Variants in PLA2R1 observed in about 807,000 individuals in gnomAD.
PLA2R1 encodes phospholipase A2 receptor 1.
PLA2R1 carries 158 observed loss-of-function variants against 195.9 expected under a neutral mutation model. That is an observed-to-expected ratio of 0.81 (90% confidence interval 0.71 to 0.92). The LOEUF is 0.92. PLA2R1 is among the 40% of genes least tolerant of loss of function. The pLI, the probability that PLA2R1 is intolerant of heterozygous loss-of-function variation, is 0.00. For synonymous variants in PLA2R1, 586 were observed against 598.2 expected, an observed-to-expected ratio of 0.98 and a Z score of 0.30; for missense variants, 1,626 against 1,764.6, an observed-to-expected ratio of 0.92 and a Z score of 1.41.
chr2:159,967,478 A>T (rs973221795), intron 20 of PLA2R1, 61 bp downstream of exon 20: 3 of 1,454,472 alleles, frequency 2.1e-6, no homozygotes, highest in East Asian at 2.4e-5. Flanking sequence ...CTTTTTGAAC[A>T]CTTTCCAAAA....
intron 7 of PLA2R1, 33 bp downstream of exon 7, chr2:160,022,632 A>C: frequency 1.5e-6 from 2 of 1,311,130 alleles, no homozygotes; most frequent in Non-Finnish European, 2.1e-6. Context: ...ATTATATTTT[A>C]TGCCTTTTAA....
At chr2:159,954,350 T>C (rs570335938) in intron 23 of PLA2R1, among the ~76,000 whole-genome samples, 1 of 151,972 alleles carries the variant, frequency 6.6e-6, no homozygotes, top group East Asian at 1.9e-4. Flanking sequence ...GTTACAGATC[T>C]AGTATCATTT....
rs539859475 is a variant in PLA2R1 at position 159,938,930 on chromosome 2, A to G, written c.*2848T>C. The G allele has an allele frequency of 6.6e-6, 1 of 152,344 alleles. No homozygotes were observed. The highest frequency in any genetic ancestry group is 1.5e-5 in the Non-Finnish European group (1 of 68,026). 9.4% of individuals were successfully genotyped at this position (152,344 alleles called of 1,614,324 possible). A position where few individuals can be genotyped will look rare whatever the true frequency, so the allele number is the denominator to read the frequency against. On this transcript the variant is annotated 3_prime_UTR_variant, in exon 30 of 30. Coordinates refer to ENST00000283243, the MANE Select transcript of PLA2R1 (RefSeq NM_007366.5). ...CTGTAAGAGCCCAATATATTGTTAA[A>G]TGGAAAAACCCAGGCATTTCCATTA...
At chr2:160,048,395 C>T (rs921976424) in intron 1 of PLA2R1, among the ~76,000 whole-genome samples, 19 of 152,122 alleles carry the variant, frequency 1.2e-4, no homozygotes, top group Non-Finnish European at 1.9e-4. Flanking sequence ...CAACATGCTG[C>T]CTCCAAATAT....
intron 11 of PLA2R1, among the ~76,000 whole-genome samples, chr2:159,996,788 C>A (rs1327806484): frequency 6.6e-6 from 1 of 152,044 alleles, no homozygotes; most frequent in African/African-American, 2.4e-5. Context: ...CTCAGAGATT[C>A]TTTTCTCATC....
rs182932269 is a variant in PLA2R1 at position 159,993,591 on chromosome 2, C to G, written c.1835-6233G>C. Among the ~76,000 whole-genome samples the G allele has an allele frequency of 8.4e-4, 127 of 151,612 alleles. 1 individual carries two copies. Among genetic ancestry groups the G allele is most frequent in the Non-Finnish European group, 4.4e-5 (3 of 67,838 alleles). ...AATATCATTTCCCATCAGAAGAAAC[C>G]AGGGTTCCTTGATGCAATGGATGCT... is the stretch of plus-strand genomic sequence containing the variant. On this transcript the variant is annotated intron_variant, in intron 11 of 29. Transcript: ENST00000283243.
intron 20 of PLA2R1, among the ~76,000 whole-genome samples, chr2:159,964,289 A>C (rs963882177): frequency 2.6e-5 from 4 of 152,180 alleles, no homozygotes; most frequent in African/African-American, 9.6e-5. Flanking sequence ...GGATAGTGAG[A>C]ATGTTTTGGA....
chr2:159,947,421 TC>T lies in PLA2R1; in HGVS notation c.3847del (p.Glu1283LysfsTer6). 3 of 1,596,192 alleles carry T rather than the reference TC, an allele frequency of 1.9e-6. No individual in the cohort carries two copies. Among genetic ancestry groups the T allele is most frequent in the Non-Finnish European group, 2.6e-6 (3 of 1,174,342 alleles). ...TTTACCATCACAAAAACAATTACCT[TC>T]CTTTTTGCAAAATTCATGAGCAGCC... Reference protein sequence around the residue: ...FEAAHEFCKKEGSNLLTIKDE... With the variant: ...FEAAHEFCKKXGSNLLTIKDE... On this transcript the variant is annotated frameshift_variant, in exon 26 of 30. Coordinates refer to ENST00000283243, the MANE Select transcript of PLA2R1 (RefSeq NM_007366.5). LOFTEE classifies it high-confidence loss of function.
chr2:160,031,218 T>C (rs532305358), intron 4 of PLA2R1, among the ~76,000 whole-genome samples: 55 of 152,330 alleles, frequency 3.6e-4, no homozygotes, highest in Non-Finnish European at 5.6e-4. Flanking sequence ...TGCAAACTTA[T>C]AGAGAAATAA....
intron 1 of PLA2R1, among the ~76,000 whole-genome samples, chr2:160,062,075 G>A (rs907845208): frequency 1.3e-5 from 2 of 151,804 alleles, no homozygotes; most frequent in Admixed American, 6.6e-5. Flanking sequence ...GAGCCAGGAG[G>A]GTGCCGGGCC....
rs73967982 is a variant in PLA2R1 at position 160,013,431 on chromosome 2, G to A, written c.1552-56C>T. ...ACAATCTCATTTAGTTAAATACCAA[G>A]AGATATTTTTGCATACTCTTTTACC... On this transcript the variant is annotated intron_variant, in intron 9 of 29. Transcript: ENST00000283243. 7,677 of 1,048,700 alleles carry A rather than the reference G, an allele frequency of 7.3e-3. 233 individuals carry two copies. The African/African-American group carries it at 0.082, about 11-fold the overall frequency. 65.0% of individuals were successfully genotyped at this position (1,048,700 alleles called of 1,614,324 possible). A position where few individuals can be genotyped will look rare whatever the true frequency, so the allele number is the denominator to read the frequency against.
intron 24 of PLA2R1, among the ~76,000 whole-genome samples, chr2:159,950,519 C>T (rs1195413464): frequency 6.6e-6 from 1 of 152,186 alleles, no homozygotes; most frequent in Non-Finnish European, 1.5e-5. Context: ...AATGTCTATT[C>T]ACAGGAGAAT....
intron 14 of PLA2R1, among the ~76,000 whole-genome samples, chr2:159,979,059 A>G (rs1560170721): frequency 1.3e-5 from 2 of 152,194 alleles, no homozygotes; most frequent in Non-Finnish European, 2.9e-5. Flanking sequence ...CAGCGCTTGG[A>G]ACAGTATAAG....
chr2:159,924,227 T>A, the PLA2R1 span, among the ~76,000 whole-genome samples: 1 of 152,230 alleles, frequency 6.6e-6, no homozygotes, highest in East Asian at 1.9e-4. Context: ...CTTTTAAGGA[T>A]ACATGTGATT....
rs573853398 is a variant in PLA2R1, at chr2:159,973,586, A to C, written c.2595+2482T>G. ...ATGAACCAGGAAGTGGGCATTCACC[A>C]GACATCAAATCTGCCAATGCCTAGA... On this transcript the variant is annotated intron_variant, in intron 17 of 29. Transcript: ENST00000283243. Among the ~76,000 whole-genome samples the C allele has an allele frequency of 5.3e-5, 8 of 152,210 alleles. No homozygotes were observed. The South Asian group carries it at 1.7e-3, about 32-fold the overall frequency.
At chr2:160,056,784 C>G (rs1304228896) in intron 1 of PLA2R1, among the ~76,000 whole-genome samples, 1 of 152,158 alleles carries the variant, frequency 6.6e-6, no homozygotes, top group Non-Finnish European at 1.5e-5. Context: ...CACTTCTAAA[C>G]TTAAACATGC....
intron 11 of PLA2R1, among the ~76,000 whole-genome samples, chr2:160,003,728 A>G (rs1438987939): frequency 6.6e-6 from 1 of 152,190 alleles, no homozygotes; most frequent in Non-Finnish European, 1.5e-5. Context: ...TAAGATGTAC[A>G]CTTTTAGGCC....
In PLA2R1 at chr2:160,034,122, T is replaced by C. The variant is rs910906840; in HGVS notation, c.668-990A>G. On this transcript the variant is annotated intron_variant, in intron 3 of 29. Transcript: ENST00000283243. ...TGAGAAGTTCTGTAGTAAAGAAACA[T>C]GCTTACTGTTAATTTAGTGTACTTC... Among the ~76,000 whole-genome samples the C allele has an allele frequency of 3.3e-5, 5 of 152,242 alleles. No individual in the cohort carries two copies. In the East Asian group the frequency reaches 5.8e-4, roughly 18 times the overall value.
rs562268571 is a variant in PLA2R1, at chr2:159,938,817, T to A, written c.*2961A>T. On this transcript the variant is annotated 3_prime_UTR_variant, in exon 30 of 30. Coordinates refer to ENST00000283243, the MANE Select transcript of PLA2R1 (RefSeq NM_007366.5). ...AAGAAACTCCAAAAGACTGAACGTT[T>A]AAGTAAACATTCAGTTCAATCTTAT... is the stretch of plus-strand genomic sequence containing the variant. 1 of 152,302 alleles carries A rather than the reference T, an allele frequency of 6.6e-6. No individual in the cohort carries two copies. Among genetic ancestry groups the A allele is most frequent in the South Asian group, 2.1e-4 (1 of 4,824 alleles). 9.4% of individuals were successfully genotyped at this position (152,302 alleles called of 1,614,324 possible). A position where few individuals can be genotyped will look rare whatever the true frequency, so the allele number is the denominator to read the frequency against.
Sources: allele counts gnomAD v4.1 joint callset (sites outside exome capture counted in the v4.1 genomes callset), GRCh38; gene constraint gnomAD v4.1.1; transcripts MANE v1.5; gene names NCBI Gene and HGNC (gene_info 2026-07-23, HGNC 2026-07-21).